RIMS2: variants seen among roughly 807,000 people sequenced by gnomAD.
The protein encoded by RIMS2 is regulating synaptic membrane exocytosis 2.
RIMS2 carries 59 observed loss-of-function variants against 174.4 expected under a neutral mutation model. The ratio of observed to expected loss-of-function variants is 0.34; its 90% CI spans 0.27 to 0.42. The LOEUF (loss-of-function observed/expected upper bound fraction) is 0.42. Ranked by LOEUF, RIMS2 falls within the 10% of genes least tolerant of loss-of-function variation. The pLI, the probability that RIMS2 is intolerant of heterozygous loss-of-function variation, is 1.00. For synonymous variants in RIMS2, 606 were observed against 572.5 expected, an observed-to-expected ratio of 1.06 and a Z score of -0.84; for missense variants, 1,620 against 1,666.3, an observed-to-expected ratio of 0.97 and a Z score of 0.48.
intron 2 of RIMS2, among the ~76,000 whole-genome samples, chr8:103,725,044 A>G (rs561762957): frequency 6.6e-6 from 1 of 152,274 alleles, no homozygotes; most frequent in Admixed American, 6.5e-5. Flanking sequence ...TGGCCTGCTT[A>G]TTAACTCCAT....
chr8:103,931,277 T>G, exon 12 of RIMS2: 1 of 1,598,238 alleles, frequency 6.3e-7, no homozygotes, highest in Non-Finnish European at 8.5e-7. Flanking sequence ...AACTATGGTT[T>G]GACAAGGTTG....
chr8:103,748,178 A>G (rs1044193971), intron 2 of RIMS2, among the ~76,000 whole-genome samples: 1 of 152,090 alleles, frequency 6.6e-6, no homozygotes, highest in East Asian at 1.9e-4. Context: ...GTGGTGGCTC[A>G]CACCTGTAAT....
chr8:103,519,731 TA>T (rs1335828723), intron 1 of RIMS2, among the ~76,000 whole-genome samples: 31 of 129,750 alleles, frequency 2.4e-4, no homozygotes, highest in African/African-American at 8.0e-4. Context: ...GTGGCTTTAC[TA>T]CTTTTTTTTT....
intron 2 of RIMS2, among the ~76,000 whole-genome samples, chr8:103,703,198 G>A (rs879573673): frequency 6.6e-6 from 1 of 151,064 alleles, no homozygotes; most frequent in Non-Finnish European, 1.5e-5. Context: ...GTCCTGGCTG[G>A]TTTCACTCTC....
chr8:103,983,378 A>G (rs946169922), intron 16 of RIMS2, among the ~76,000 whole-genome samples: 2 of 152,238 alleles, frequency 1.3e-5, no homozygotes, highest in Admixed American at 1.3e-4. Flanking sequence ...GACATTCATC[A>G]CAGAAATTGA....
chr8:103,768,378 C>A, intron 3 of RIMS2: 1 of 737,654 alleles, frequency 1.4e-6, no homozygotes, highest in African/African-American at 1.7e-5. Context: ...AAGCATATGG[C>A]CACAGAAGTT....
chr8:103,658,158 GT>G (rs1418707229), intron 1 of RIMS2, among the ~76,000 whole-genome samples: 2 of 152,162 alleles, frequency 1.3e-5, no homozygotes, highest in Admixed American at 6.5e-5. Context: ...TATTTGTAGT[GT>G]TTTAAGTAAC....
chr8:103,740,040 A>G (rs1378754493), intron 2 of RIMS2, among the ~76,000 whole-genome samples: 1 of 152,078 alleles, frequency 6.6e-6, no homozygotes, highest in East Asian at 1.9e-4. Context: ...GAGAATATCC[A>G]CCCTTTGTAC....
chr8:103,616,999 C>T (rs2095520097), intron 1 of RIMS2, among the ~76,000 whole-genome samples: 2 of 152,296 alleles, frequency 1.3e-5, no homozygotes, highest in South Asian at 4.1e-4. Context: ...CAATGATATT[C>T]TTCACAAACT....
intron 1 of RIMS2, among the ~76,000 whole-genome samples, chr8:103,546,680 A>G (rs1302377232): frequency 3.3e-5 from 5 of 152,208 alleles, no homozygotes; most frequent in Non-Finnish European, 5.9e-5. Context: ...CATACTCAGC[A>G]GTCTTGGACC....
At chr8:103,590,575 A>G (rs1156816421) in intron 1 of RIMS2, among the ~76,000 whole-genome samples, 2 of 150,938 alleles carry the variant, frequency 1.3e-5, no homozygotes, top group East Asian at 1.9e-4. Flanking sequence ...GTGAACACCC[A>G]TATACCCACC....
chr8:104,010,796 C>G (rs897240162), intron 17 of RIMS2, among the ~76,000 whole-genome samples: 9 of 151,968 alleles, frequency 5.9e-5, no homozygotes, highest in African/African-American at 2.2e-4. Flanking sequence ...AGTGGCTTAC[C>G]CTTTGGTAAT....
intron 1 of RIMS2, among the ~76,000 whole-genome samples, chr8:103,531,257 C>T (rs893200751): frequency 1.9e-4 from 29 of 151,892 alleles, no homozygotes; most frequent in Admixed American, 1.8e-3. Context: ...TCGACCATCT[C>T]CTATATTATA....
intron 19 of RIMS2, 83 bp downstream of exon 25, chr8:104,148,931 C>A: frequency 7.4e-7 from 1 of 1,357,556 alleles, no homozygotes. Context: ...CATTTTATTG[C>A]AGTAATGTGT....
At chr8:103,615,079 A>G (rs1461798524) in intron 1 of RIMS2, among the ~76,000 whole-genome samples, 1 of 152,228 alleles carries the variant, frequency 6.6e-6, no homozygotes, top group African/African-American at 2.4e-5. Flanking sequence ...TTAGCATAAT[A>G]AAGATCTTTT....
At chr8:104,008,849 T>A (rs1565821548) in intron 17 of RIMS2, among the ~76,000 whole-genome samples, 2 of 152,052 alleles carry the variant, frequency 1.3e-5, no homozygotes, top group Non-Finnish European at 2.9e-5. Flanking sequence ...AGTCTTTACA[T>A]CTAACTCAAC....
At chr8:103,878,389 T>C (rs756061220) in intron 3 of RIMS2, among the ~76,000 whole-genome samples, 2 of 151,936 alleles carry the variant, frequency 1.3e-5, no homozygotes, top group Non-Finnish European at 1.5e-5. Flanking sequence ...CTTGTGTATG[T>C]TGAATCATCC....
intron 19 of RIMS2, among the ~76,000 whole-genome samples, chr8:104,073,873 G>T (rs1045924841): frequency 3.3e-5 from 5 of 151,938 alleles, no homozygotes; most frequent in African/African-American, 1.2e-4. Context: ...GTTAAAATAT[G>T]AATGACAACA....
In RIMS2 at chr8:104,098,324, G is replaced by A. The variant is rs141092705; in HGVS notation, c.3334+83709G>A. ...GAGTGATGCAGTTTCTTAGCCATGTGTGGATGGATGTTTGAGGATAGTTCC... is the reference window on the plus strand; with the variant it reads ...GAGTGATGCAGTTTCTTAGCCATGTATGGATGGATGTTTGAGGATAGTTCC... On this transcript the variant is annotated intron_variant, in intron 19 of 23. Coordinates refer to ENST00000504942, the Ensembl canonical transcript of RIMS2. Among the ~76,000 whole-genome samples, 163 of 152,228 alleles carry A rather than the reference G, an allele frequency of 1.1e-3. 1 individual carries two copies. The highest frequency in any genetic ancestry group is 3.7e-3 in the African/African-American group (152 of 41,562).
Sources: allele counts gnomAD v4.1 joint callset (sites outside exome capture counted in the v4.1 genomes callset), GRCh38; gene constraint gnomAD v4.1.1; transcripts MANE v1.5; gene names NCBI Gene and HGNC (gene_info 2026-07-23, HGNC 2026-07-21).